CYP2A6: variants seen among roughly 807,000 people sequenced by gnomAD.
CYP2A6 encodes cytochrome P450 family 2 subfamily A member 6, also known as cytochrome P450 2A6.
A neutral mutation model predicts 42.3 loss-of-function variants in CYP2A6; 27 were observed. The ratio of observed to expected loss-of-function variants is 0.64; its 90% CI spans 0.47 to 0.88. The LOEUF is 0.88. Among genes scored for constraint, CYP2A6 ranks in the 40% least tolerant of loss-of-function variants. The pLI is 0.00. For synonymous variants in CYP2A6, 238 were observed against 246.3 expected (o/e 0.97, Z 0.31); for missense variants, 628 against 646.0 (o/e 0.97, Z 0.30).
At position 40,850,218 on chromosome 19, in the gene CYP2A6, G is replaced by A. The variant is rs8192722; in HGVS notation, c.180+29C>T. On this transcript the variant is annotated intron_variant, in intron 1 of 8. Transcript: ENST00000301141. ...CAGCCAACTAGGCAGCCCCCACCCCGTGCCACCCATCTCCCTGCCTTGGGA... is the reference window on the plus strand; with the variant it reads ...CAGCCAACTAGGCAGCCCCCACCCCATGCCACCCATCTCCCTGCCTTGGGA... The A allele has an allele frequency of 7.8e-3, 12,463 of 1,595,752 alleles. 1,047 individuals carry two copies. The African/African-American group carries it at 0.14, about 18-fold the overall frequency.
chr19:40,848,262 A>T lies in CYP2A6; in HGVS notation c.611T>A (p.Met204Lys), dbSNP rs1967134747. ...KDKEFLSLLR[M>K]MLGIFQFTST... ...CGTGAACTGGAAGATTCCTAGCATC[A>T]TGCGCAACAGTGACAGGAACTCTTT... The change falls in exon 4 of 9, where the codon ATG becomes AAG. Residue 204 changes from methionine (M) to lysine (K), a missense_variant. By Grantham distance (95) the Met-to-Lys change is moderately conservative (BLOSUM62 -1). Transcript: ENST00000301141. 1.2e-6 allele frequency: 2 copies of T among 1,611,708 alleles called. No individual in the cohort carries two copies. The highest frequency in any genetic ancestry group is 1.7e-5 in the Admixed American group (1 of 59,956).
rs1401811922 is a variant in CYP2A6, at chr19:40,845,291, C to T, written c.1161+3G>A. The stretch of plus-strand genomic sequence containing the variant: ...TAGTCTGGGGGGTGGGGGCGGATAG[C>T]ACCTTAGGGAGGAAGAAATCCCGAA... On this transcript the variant is annotated splice_donor_region_variant and intron_variant, in intron 7 of 8. Transcript: ENST00000301141. 6.2e-7 allele frequency: 1 copy of T among 1,611,506 alleles called. No individual in the cohort carries two copies. The highest frequency in any genetic ancestry group is 1.3e-5 in the African/African-American group (1 of 74,600).
intron 7 of CYP2A6, 140 bp downstream of exon 7, chr19:40,845,154 A>G: frequency 9.8e-7 from 1 of 1,023,650 alleles, no homozygotes; most frequent in Non-Finnish European, 1.5e-6. Context: ...GGTGGAACGG[A>G]TGTGGTGGTT....
At chr19:40,846,784 GA>G in intron 5 of CYP2A6, 90 bp downstream of exon 5, 1 of 1,526,598 alleles carries the variant, frequency 6.6e-7, no homozygotes, top group Non-Finnish European at 8.8e-7. Context: ...GGGTTAATTT[GA>G]ATGGGCCTGT....
In CYP2A6 at chr19:40,848,282, C is replaced by G. The variant is rs368174755; in HGVS notation, c.591G>C (p.Glu197Asp). 25 of 1,611,840 alleles carry G rather than the reference C, an allele frequency of 1.6e-5. No individual in the cohort carries two copies. Among genetic ancestry groups the G allele is most frequent in the Middle Eastern group, 1.7e-4 (1 of 6,060 alleles). ...GCATCATGCGCAACAGTGACAGGAACTCTTTGTCCTTATAGTCAAAGCGGT... is the reference window on the plus strand; with the variant it reads ...GCATCATGCGCAACAGTGACAGGAAGTCTTTGTCCTTATAGTCAAAGCGGT... ...FGDRFDYKDK[E>D]FLSLLRMMLG... is the part of the protein sequence containing the mutation. Residue 197 changes from glutamate to aspartate, a missense_variant, in exon 4 of 9, where the codon GAG (glutamate) becomes GAC (aspartate). By Grantham distance (45) the Glu-to-Asp change is conservative (BLOSUM62 2). This residue lies in a region of CYP2A6 where 606 missense variants were observed against 568.1 expected (regional missense o/e 1.07). Transcript: ENST00000301141.
chr19:40,846,855 C>A lies in CYP2A6; in HGVS notation c.831+20G>T, dbSNP rs762311895. On this transcript the variant is annotated intron_variant, in intron 5 of 8. Coordinates refer to ENST00000301141, the MANE Select transcript of CYP2A6 (RefSeq NM_000762.6). ...CTCTGCCTGGCTTTGCATCTCCCCGCAGTGGCTGCTGGGGTGTACCTCCTG... is the reference window on the plus strand; with the variant it reads ...CTCTGCCTGGCTTTGCATCTCCCCGAAGTGGCTGCTGGGGTGTACCTCCTG... 5.0e-6 allele frequency: 8 copies of A among 1,610,388 alleles called. No homozygotes were observed. Among genetic ancestry groups the A allele is most frequent in the Non-Finnish European group, 6.8e-6 (8 of 1,179,014 alleles).
chr19:40,849,038 AGAGAGAGGAGAGAGAGAGAGAGAG>A (rs1967168373), intron 2 of CYP2A6, among the ~76,000 whole-genome samples: 3 of 39,720 alleles, frequency 7.6e-5, no homozygotes, highest in Admixed American at 2.6e-4. Context: ...GAGAGAGAAG[AGAGAGAGGAGAGAGAGAGAGAGAG>A]AGAGAGAGAG....
intron 5 of CYP2A6, 39 bp downstream of exon 5, chr19:40,846,836 C>G (rs1007510552): frequency 3.7e-6 from 6 of 1,605,562 alleles, no homozygotes; most frequent in Non-Finnish European, 5.1e-6. Context: ...TTCCCTCTGC[C>G]TGGCTTTGCA....
chr19:40,848,999 A>G (rs1967161498), intron 2 of CYP2A6, among the ~76,000 whole-genome samples: 1 of 116,038 alleles, frequency 8.6e-6, no homozygotes, highest in African/African-American at 3.6e-5. Flanking sequence ...AGAGAGAGAG[A>G]GAGAGAGAGA....
chr19:40,845,370 A>G lies in CYP2A6; in HGVS notation c.1085T>C (p.Phe362Ser), dbSNP rs778019189. 4 of 1,611,538 alleles carry G rather than the reference A, an allele frequency of 2.5e-6. No individual in the cohort carries two copies. The South Asian group carries it at 3.3e-5, about 13-fold the overall frequency. ...CAAACTCATGGGGATCACGTCTCCA[A>G]ATCTTTGGATCTCGTGGATCACTGC... ...MEAVIHEIQR[F>S]GDVIPMSLAR... Residue 362 changes from phenylalanine to serine, a missense_variant, in exon 7 of 9, where the codon TTT becomes TCT. Transcript: ENST00000301141.
In CYP2A6 at chr19:40,845,027, G is replaced by A. The variant is rs1049600080; in HGVS notation, c.1162-255C>T. The A allele has an allele frequency of 1.7e-4, 109 of 650,390 alleles. 4 individuals carry two copies. Among genetic ancestry groups the A allele is most frequent in the South Asian group, 1.2e-3 (60 of 48,336 alleles). 40.3% of individuals were successfully genotyped at this position (650,390 alleles called of 1,614,324 possible). On this transcript the variant is annotated intron_variant, in intron 7 of 8. Coordinates refer to ENST00000301141, the MANE Select transcript of CYP2A6 (RefSeq NM_000762.6). ...TGAGATTTCTGTCCCTATGACAAAAGGCCGAATGGAAAGGGGGCTTCTGTT... is the reference window on the plus strand; with the variant it reads ...TGAGATTTCTGTCCCTATGACAAAAAGCCGAATGGAAAGGGGGCTTCTGTT...
rs371160651 is a variant in CYP2A6, at chr19:40,847,071, A to T, written c.655-20T>A. ...ATAGAGCTGGGGTTGCAGAGAGAGGATGGGAAGGGAAGGACAGCTGTCACG... is the reference window on the plus strand; with the variant it reads ...ATAGAGCTGGGGTTGCAGAGAGAGGTTGGGAAGGGAAGGACAGCTGTCACG... On this transcript the variant is annotated intron_variant, in intron 4 of 8. Coordinates refer to ENST00000301141, the MANE Select transcript of CYP2A6 (RefSeq NM_000762.6). 170 of 1,608,104 alleles carry T rather than the reference A, an allele frequency of 1.1e-4. 1 individual carries two copies. The highest frequency in any genetic ancestry group is 1.4e-4 in the Non-Finnish European group (168 of 1,177,848).
chr19:40,849,173 C>T (rs1297928018), intron 2 of CYP2A6, among the ~76,000 whole-genome samples: 16 of 148,620 alleles, frequency 1.1e-4, no homozygotes, highest in Admixed American at 3.3e-4. Flanking sequence ...GATAAGGGGA[C>T]ACTCCATGGA....
chr19:40,847,704 TC>T (rs1245827021), intron 4 of CYP2A6, among the ~76,000 whole-genome samples: 1 of 151,588 alleles, frequency 6.6e-6, no homozygotes, highest in Non-Finnish European at 1.5e-5. Context: ...AGGGCAGCTG[TC>T]CATGTTTTCA....
chr19:40,844,128 G>T (rs2083444146), intron 8 of CYP2A6, 151 bp from the exon 9 acceptor site: 3 of 1,391,986 alleles, frequency 2.2e-6, no homozygotes, highest in Admixed American at 2.9e-5. Context: ...TCCTCCCTGA[G>T]CCTCAATTTC....
intron 2 of CYP2A6, 66 bp downstream of exon 2, chr19:40,849,752 A>G: frequency 6.3e-7 from 1 of 1,596,528 alleles, no homozygotes; most frequent in Non-Finnish European, 8.5e-7. Context: ...AGTCAGGGAG[A>G]AGGCTGGGAA....
rs1967144166 is a variant in CYP2A6 at position 40,848,660 on chromosome 19, G to C, written c.447C>G (p.Ile149Met). 6.2e-7 allele frequency: 1 copy of C among 1,612,002 alleles called. No homozygotes were observed. The highest frequency in any genetic ancestry group is 1.3e-5 in the African/African-American group (1 of 74,872). ...CGATGAGGAAGCCCGCCTCCTCCTG[G>C]ATGCGCTCCTCGATGCCTCGCTTGC... ...GVGKRGIEER[I>M]QEEAGFLIDA... is the part of the protein sequence containing the mutation. The change falls in exon 3 of 9, where the codon ATC becomes ATG. Residue 149 changes from isoleucine to methionine, a missense_variant. By Grantham distance (10) the Ile-to-Met change is conservative. This residue lies in a region of CYP2A6 where 606 missense variants were observed against 568.1 expected (regional missense o/e 1.07). Coordinates refer to ENST00000301141, the MANE Select transcript of CYP2A6 (RefSeq NM_000762.6).
chr19:40,845,193 A>G, intron 7 of CYP2A6, 101 bp downstream of exon 7: 1 of 1,460,618 alleles, frequency 6.8e-7, no homozygotes, highest in South Asian at 1.2e-5. Flanking sequence ...TGATTGAGGG[A>G]GTGGGACAGG....
chr19:40,845,116 G>A (rs2083448998), intron 7 of CYP2A6, 178 bp downstream of exon 7: 1 of 734,980 alleles, frequency 1.4e-6, no homozygotes, highest in Non-Finnish European at 2.2e-6. Context: ...CTGGAGAGAT[G>A]CAGGACTCAG....
Sources: allele counts gnomAD v4.1 joint callset (sites outside exome capture counted in the v4.1 genomes callset), GRCh38; gene constraint gnomAD v4.1.1; regional missense constraint gnomAD v4.1.1; transcripts MANE v1.5; gene names NCBI Gene and HGNC (gene_info 2026-07-23, HGNC 2026-07-21).